FOXP2: variants seen among roughly 807,000 people sequenced by gnomAD.
The protein encoded by FOXP2 is forkhead box P2.
A neutral mutation model predicts 115.8 loss-of-function variants in FOXP2; 12 were observed. The ratio of observed to expected loss-of-function variants is 0.10; its 90% confidence interval spans 0.07 to 0.17. The LOEUF is 0.17. Among genes scored for constraint, FOXP2 ranks in the 10% least tolerant of loss-of-function variants. The pLI is 1.00. For synonymous variants in FOXP2, 328 were observed against 297.7 expected, an observed-to-expected ratio of 1.10 and a Z score of -1.05; for missense variants, 629 against 843.5, an observed-to-expected ratio of 0.75 and a Z score of 3.15.
At position 114,363,771 on chromosome 7, in the gene FOXP2, C is replaced by T. The variant is rs114459044; in HGVS notation, c.-10-62731C>T. ...ATCCTAAGAAATCCCTGGATTCAGA[C>T]GTTGCCTTCTTTCATATCCCTTCCT... is the stretch of plus-strand genomic sequence containing the variant. On this transcript the variant is annotated intron_variant, in intron 2 of 17. Coordinates refer to the FOXP2 transcript ENST00000634411. Among the ~76,000 whole-genome samples the T allele has an allele frequency of 4.4e-3, 674 of 151,900 alleles. 6 individuals are homozygous for T. Among genetic ancestry groups the T allele is most frequent in the African/African-American group, 0.015 (642 of 41,460 alleles).
chr7:114,575,243 C>T (rs554383833), intron 3 of FOXP2, among the ~76,000 whole-genome samples: 5 of 151,740 alleles, frequency 3.3e-5, no homozygotes, highest in South Asian at 4.2e-4. Flanking sequence ...AAGGTGGTAA[C>T]GGGAATTAAA....
chr7:114,609,223 A>G (rs1287359795), intron 3 of FOXP2, among the ~76,000 whole-genome samples: 2 of 151,840 alleles, frequency 1.3e-5, no homozygotes, highest in African/African-American at 2.4e-5. Flanking sequence ...AAAAAAAAAA[A>G]AAAGAAAGAA....
At chr7:114,482,090 A>G (rs775190219) in intron 2 of FOXP2, among the ~76,000 whole-genome samples, 2 of 151,428 alleles carry the variant, frequency 1.3e-5, no homozygotes, top group East Asian at 1.9e-4. Flanking sequence ...ATTAAATCCT[A>G]TTAGTACTCA....
chr7:114,298,459 T>C (rs962134014), intron 2 of FOXP2, among the ~76,000 whole-genome samples: 3 of 152,212 alleles, frequency 2.0e-5, no homozygotes, highest in African/African-American at 4.8e-5. Context: ...ATAACAATAA[T>C]AATACTATCC....
chr7:114,247,766 A>G (rs947691500), intron 1 of FOXP2, among the ~76,000 whole-genome samples: 5 of 152,238 alleles, frequency 3.3e-5, no homozygotes, highest in African/African-American at 9.6e-5. Flanking sequence ...AGTACCCAGC[A>G]CATTAAGAAA....
intron 2 of FOXP2, among the ~76,000 whole-genome samples, chr7:114,473,821 T>C (rs1215565350): frequency 6.6e-6 from 1 of 152,144 alleles, no homozygotes; most frequent in Non-Finnish European, 1.5e-5. Flanking sequence ...TTACTTAAGC[T>C]TTGAATCCGA....
chr7:114,434,705 T>A (rs1186617708), intron 2 of FOXP2, among the ~76,000 whole-genome samples: 3 of 152,056 alleles, frequency 2.0e-5, no homozygotes, highest in African/African-American at 7.2e-5. Flanking sequence ...ATAAAACAGC[T>A]TTTCAGTAAA....
At chr7:114,521,737 TA>T (rs930176120) in intron 2 of FOXP2, among the ~76,000 whole-genome samples, 5 of 132,446 alleles carry the variant, frequency 3.8e-5, no homozygotes, top group Non-Finnish European at 7.9e-5. Flanking sequence ...AAGTCATGGG[TA>T]AAAATATTTT....
chr7:114,689,850 C>A lies in FOXP2; in HGVS notation c.2072C>A (p.Thr691Lys), dbSNP rs1468750371. 1 of 1,613,484 alleles carries A rather than the reference C, an allele frequency of 6.2e-7. No individual in the cohort carries two copies. ...EDEDCPMSLV[T>K]TANHSPELED... ...GAAGACTGCCCAATGTCCTTAGTGA[C>A]AACAGCTAATCACAGTCCAGAATTA... Residue 691 changes from threonine (T) to lysine (K), a missense_variant, in exon 17 of 17, where the codon ACA becomes AAA. Thr to Lys is a moderately conservative substitution (Grantham distance 78). Transcript: ENST00000350908.
intron 6 of FOXP2, among the ~76,000 whole-genome samples, chr7:114,641,932 A>T (rs1193906640): frequency 6.6e-6 from 1 of 151,998 alleles, no homozygotes; most frequent in Admixed American, 6.6e-5. Context: ...CAACCTCCTG[A>T]GTAGCTGGGA....
intron 1 of FOXP2, among the ~76,000 whole-genome samples, chr7:114,091,193 C>T (rs982957991): frequency 7.9e-5 from 12 of 151,544 alleles, no homozygotes; most frequent in Non-Finnish European, 1.6e-4. Context: ...CTAAATTTCC[C>T]AGACAAAACA....
chr7:114,474,934 A>G (rs1215771198), intron 2 of FOXP2, among the ~76,000 whole-genome samples: 1 of 151,974 alleles, frequency 6.6e-6, no homozygotes, highest in Non-Finnish European at 1.5e-5. Context: ...GTCATTGGTG[A>G]GGTGATTTGA....
At chr7:114,430,544 A>G (rs755550549) in intron 2 of FOXP2, among the ~76,000 whole-genome samples, 1 of 151,790 alleles carries the variant, frequency 6.6e-6, no homozygotes, top group African/African-American at 2.4e-5. Context: ...TTACAACGAT[A>G]TAGGAAAACT....
At chr7:114,125,413 A>G (rs929871831) in intron 1 of FOXP2, among the ~76,000 whole-genome samples, 6 of 152,154 alleles carry the variant, frequency 3.9e-5, no homozygotes, top group African/African-American at 1.4e-4. Context: ...AAATAGCTAT[A>G]TACTTAAGTG....
chr7:114,311,589 T>C (rs1797148164), intron 2 of FOXP2, among the ~76,000 whole-genome samples: 1 of 152,138 alleles, frequency 6.6e-6, no homozygotes, highest in Non-Finnish European at 1.5e-5. Flanking sequence ...GTTTTCCTTC[T>C]GCAGGAACTC....
intron 1 of FOXP2, among the ~76,000 whole-genome samples, chr7:114,198,429 G>A (rs994326120): frequency 6.6e-6 from 1 of 152,122 alleles, no homozygotes; most frequent in African/African-American, 2.4e-5. Context: ...TGCTATAGGG[G>A]GGTAGGGGAT....
chr7:114,134,500 T>A (rs1485716082), intron 1 of FOXP2, among the ~76,000 whole-genome samples: 1 of 151,806 alleles, frequency 6.6e-6, no homozygotes, highest in Non-Finnish European at 1.5e-5. Context: ...GATCACGAGG[T>A]CAGGAGATCA....
chr7:114,561,625 T>C (rs1800762171), intron 3 of FOXP2: 1 of 152,204 alleles, frequency 6.6e-6, no homozygotes, highest in Non-Finnish European at 1.5e-5. Context: ...ATGGCACCTG[T>C]CACGCGTGTA....
At chr7:114,323,071 A>G (rs954454655) in intron 2 of FOXP2, among the ~76,000 whole-genome samples, 3 of 152,160 alleles carry the variant, frequency 2.0e-5, no homozygotes, top group Admixed American at 6.5e-5. Flanking sequence ...ATTAGTTTAC[A>G]TAGGGTATTT....
Sources: allele counts gnomAD v4.1 joint callset (sites outside exome capture counted in the v4.1 genomes callset), GRCh38; gene constraint gnomAD v4.1.1; transcripts MANE v1.5; gene names NCBI Gene and HGNC (gene_info 2026-07-23, HGNC 2026-07-21).